ABCB1: variants seen among roughly 807,000 people sequenced by gnomAD.
The protein encoded by ABCB1 is ATP binding cassette subfamily B member 1.
A neutral mutation model predicts 142.0 loss-of-function variants in ABCB1; 69 were observed. The ratio of observed to expected loss-of-function variants is 0.49; its 90% CI spans 0.40 to 0.59. The LOEUF (loss-of-function observed/expected upper bound fraction) is 0.59, where lower values mean the gene tolerates loss of function less well. ABCB1 is among the 20% of genes least tolerant of loss of function. ABCB1 has a pLI of 0.00. For missense variants in ABCB1, 1,326 were observed against 1,554.7 expected, an observed-to-expected ratio of 0.85 and a Z score of 2.47; for synonymous variants, 532 against 539.2, an observed-to-expected ratio of 0.99 and a Z score of 0.18.
At chr7:87,680,272 A>T (rs1024736762) in intron 1 of ABCB1, among the ~76,000 whole-genome samples, 1 of 150,546 alleles carries the variant, frequency 6.6e-6, no homozygotes, top group African/African-American at 2.5e-5. Context: ...AATCCAGTCT[A>T]TCATTGATAG....
chr7:87,706,120 T>A (rs1361687223), intron 1 of ABCB1, among the ~76,000 whole-genome samples: 2 of 152,182 alleles, frequency 1.3e-5, no homozygotes, highest in Non-Finnish European at 2.9e-5. Flanking sequence ...TTAGACCAGT[T>A]TCAGAATATG....
At chr7:87,691,586 C>A (rs1183444545) in intron 1 of ABCB1, among the ~76,000 whole-genome samples, 2 of 152,154 alleles carry the variant, frequency 1.3e-5, no homozygotes, top group African/African-American at 2.4e-5. Flanking sequence ...TACAAACAAG[C>A]CCTGGGCCAC....
Position 87,558,682 on chromosome 7 carries a change from T to A in ABCB1, c.827+2581A>T, listed in dbSNP as rs6952359. 3.9e-3 allele frequency among the ~76,000 whole-genome samples: 601 copies of A among 152,236 alleles called. 3 individuals carry two copies. The highest frequency in any genetic ancestry group is 5.9e-3 in the Non-Finnish European group (400 of 67,984). Reference sequence around the variant, plus strand: ...TAGTATGTATTTATTTCATTCATTATTTTAAGTGTTAAAATATTTTTAATG... The same window carrying A: ...TAGTATGTATTTATTTCATTCATTAATTTAAGTGTTAAAATATTTTTAATG... On this transcript the variant is annotated intron_variant, in intron 8 of 27. Coordinates refer to ENST00000622132, the MANE Select transcript of ABCB1 (RefSeq NM_001348946.2).
At chr7:87,646,547 A>C (rs948503669) in intron 1 of ABCB1, among the ~76,000 whole-genome samples, 2 of 152,182 alleles carry the variant, frequency 1.3e-5, no homozygotes, top group Admixed American at 1.3e-4. Flanking sequence ...AGCAGTGTGG[A>C]TGCAGAGTTA....
rs1584918778 is a variant in ABCB1, at chr7:87,606,386, T to C, written c.-330-5308A>G. On this transcript the variant is annotated intron_variant, in intron 1 of 28. Transcript: ENST00000265724. Reference sequence around the variant, plus strand: ...TACATAAGGAAAACTTAAGTCTGTTTGACTCAGTAATTCAATTTTAGGAAA... The same window carrying C: ...TACATAAGGAAAACTTAAGTCTGTTCGACTCAGTAATTCAATTTTAGGAAA... Among the ~76,000 whole-genome samples the C allele has an allele frequency of 2.0e-5, 3 of 152,276 alleles. No homozygotes were observed. In the East Asian group the frequency reaches 5.8e-4, roughly 29 times the overall value.
At chr7:87,560,478 C>T (rs1043733962) in intron 8 of ABCB1, among the ~76,000 whole-genome samples, 6 of 152,172 alleles carry the variant, frequency 3.9e-5, no homozygotes, top group Admixed American at 3.9e-4. Flanking sequence ...GCTCTCCTTA[C>T]ACAACTTCTC....
In ABCB1 at chr7:87,521,016, A is replaced by AGTATTATGTAT. The variant is rs534481743; in HGVS notation, c.2686-141_2686-140insATACATAATAC. 238 of 696,766 alleles carry AGTATTATGTAT rather than the reference A, an allele frequency of 3.4e-4. 5 individuals are homozygous for AGTATTATGTAT. In the South Asian group the frequency reaches 3.9e-3, roughly 11 times the overall value. 43.2% of individuals were successfully genotyped at this position (696,766 alleles called of 1,614,324 possible). A position where few individuals can be genotyped will look rare whatever the true frequency, so the allele number is the denominator to read the frequency against. ...GTATGAGCATTTTCTCTGTAGAAAA[A>AGTATTATGTAT]GATACTAAGTAATTTATCAAACTGA... On this transcript the variant is annotated intron_variant, in intron 21 of 27. Transcript: ENST00000622132.
intron 18 of ABCB1, among the ~76,000 whole-genome samples, chr7:87,540,431 A>G (rs1279091079): frequency 6.6e-6 from 1 of 151,770 alleles, no homozygotes; most frequent in East Asian, 1.9e-4. Flanking sequence ...CATACCAAAC[A>G]GTATTTATTT....
At chr7:87,647,670 C>G (rs1823147174) in intron 1 of ABCB1, among the ~76,000 whole-genome samples, 1 of 152,080 alleles carries the variant, frequency 6.6e-6, no homozygotes, top group Non-Finnish European at 1.5e-5. Context: ...ATTTGAATTA[C>G]CATTGTAATT....
rs780565433 is a variant in ABCB1 at position 87,539,229 on chromosome 7, G to A, written c.2397+39C>T. 15 of 1,591,860 alleles carry A rather than the reference G, an allele frequency of 9.4e-6. No individual in the cohort carries two copies. In the South Asian group the frequency reaches 1.4e-4, roughly 15 times the overall value. ...TGAGTCCAAGGGGCACACATGGGGA[G>A]TTCTACACATCCCAGGGCACAGCCC... On this transcript the variant is annotated intron_variant, in intron 19 of 27. Transcript: ENST00000622132.
intron 1 of ABCB1, among the ~76,000 whole-genome samples, chr7:87,657,326 C>T (rs1390714714): frequency 1.3e-5 from 2 of 152,166 alleles, no homozygotes; most frequent in Non-Finnish European, 2.9e-5. Flanking sequence ...ATACTATTCT[C>T]TCTAGCCAAA....
In ABCB1 at chr7:87,647,656, T is replaced by G. The variant is rs189513202; in HGVS notation, c.-330-46578A>C. On this transcript the variant is annotated intron_variant, in intron 1 of 28. Coordinates refer to the ABCB1 transcript ENST00000265724. ...AACATCAGTCCTACAATAACGTGGT[T>G]TCAATTTGAATTACCATTGTAATTC... Among the ~76,000 whole-genome samples, 323 of 152,328 alleles carry G rather than the reference T, an allele frequency of 2.1e-3. 3 individuals carry two copies. The highest frequency in any genetic ancestry group is 7.6e-3 in the African/African-American group (314 of 41,584).
In ABCB1 at chr7:87,531,537, A is replaced by T. The variant is rs779359815; in HGVS notation, c.2482-40T>A. The T allele has an allele frequency of 3.2e-6, 5 of 1,577,330 alleles. No homozygotes were observed. In the African/African-American group the frequency reaches 4.1e-5, roughly 13 times the overall value. ...AAATTAGAGAAATTTTAAAAATATT[A>T]TCTTCACAACTCATGCTTCTATTTT... On this transcript the variant is annotated intron_variant, in intron 20 of 27. Coordinates refer to ENST00000622132, the MANE Select transcript of ABCB1 (RefSeq NM_001348946.2).
intron 1 of ABCB1, among the ~76,000 whole-genome samples, chr7:87,696,150 A>G (rs1382094409): frequency 6.6e-6 from 1 of 152,160 alleles, no homozygotes; most frequent in Non-Finnish European, 1.5e-5. Flanking sequence ...TTGTATACCT[A>G]TATTCATTGA....
chr7:87,528,095 G>C (rs1815873252), intron 21 of ABCB1, among the ~76,000 whole-genome samples: 1 of 152,126 alleles, frequency 6.6e-6, no homozygotes, highest in Admixed American at 6.5e-5. Flanking sequence ...ACTATCATGA[G>C]AATAGCATGG....
intron 1 of ABCB1, among the ~76,000 whole-genome samples, chr7:87,649,529 T>A (rs1020396570): frequency 6.6e-6 from 1 of 152,224 alleles, no homozygotes; most frequent in African/African-American, 2.4e-5. Context: ...TGCAGGTGGA[T>A]AATTCTCCAT....
chr7:87,515,464 G>A (rs1215417839), intron 24 of ABCB1, 36 bp from the exon 25 acceptor site: 3 of 1,590,186 alleles, frequency 1.9e-6, no homozygotes, highest in Admixed American at 3.3e-5. Context: ...TTTGAATGCT[G>A]CAATACTGAA....
chr7:87,572,683 G>A (rs1419002378), intron 4 of ABCB1, among the ~76,000 whole-genome samples: 6 of 152,152 alleles, frequency 3.9e-5, no homozygotes, highest in Non-Finnish European at 5.9e-5. Flanking sequence ...TAAAGAAAAT[G>A]TGGTACATAG....
At chr7:87,517,302 A>G (rs1360817400) in intron 23 of ABCB1, among the ~76,000 whole-genome samples, 1 of 152,080 alleles carries the variant, frequency 6.6e-6, no homozygotes, top group Non-Finnish European at 1.5e-5. Flanking sequence ...GCCAGTTCCA[A>G]GCCTATGACT....
Sources: allele counts gnomAD v4.1 joint callset (sites outside exome capture counted in the v4.1 genomes callset), GRCh38; gene constraint gnomAD v4.1.1; transcripts MANE v1.5; gene names NCBI Gene and HGNC (gene_info 2026-07-23, HGNC 2026-07-21).